LRP1B: variants seen among roughly 807,000 people sequenced by gnomAD.
LRP1B encodes LDL receptor related protein 1B, also known as low-density lipoprotein receptor-related protein 1B.
In LRP1B, 217 loss-of-function variants were observed where a neutral mutation model predicts 556.6. The observed-to-expected ratio is 0.39, with a 90% confidence interval of 0.35 to 0.44. The LOEUF (loss-of-function observed/expected upper bound fraction) is 0.44. Ranked by LOEUF, LRP1B falls within the 20% of genes least tolerant of loss-of-function variation. The pLI is 1.00. For synonymous variants in LRP1B, 2,047 were observed against 1,865.8 expected (o/e 1.10, Z -2.50); for missense variants, 5,053 against 5,620.8 (o/e 0.90, Z 3.23).
Position 141,775,205 on chromosome 2 carries a change from T to A in LRP1B, c.205+35074A>T, listed in dbSNP as rs533102487. Among the ~76,000 whole-genome samples the A allele has an allele frequency of 3.3e-5, 5 of 152,352 alleles. No individual in the cohort carries two copies. In the East Asian group the frequency reaches 9.7e-4, roughly 29 times the overall value. ...ACATACTCGTGGGTTATCTCAACTT[T>A]TCATTGTCTTGGAGCTATTTCACAG... On this transcript the variant is annotated intron_variant, in intron 2 of 90. Transcript: ENST00000389484.
chr2:140,696,187 A>G (rs1285514325), intron 41 of LRP1B, among the ~76,000 whole-genome samples: 1 of 152,172 alleles, frequency 6.6e-6, no homozygotes, highest in African/African-American at 2.4e-5. Context: ...CACATTTTAC[A>G]TCTTACTTAT....
At chr2:142,122,190 C>A (rs975660545) in intron 1 of LRP1B, among the ~76,000 whole-genome samples, 1 of 152,010 alleles carries the variant, frequency 6.6e-6, no homozygotes, top group African/African-American at 2.4e-5. Context: ...AACCCTCATG[C>A]CCTTCATTAC....
chr2:141,289,381 CAAAAAAAAAAAAA>C (rs34784985), intron 3 of LRP1B, among the ~76,000 whole-genome samples: 1 of 43,446 alleles, frequency 2.3e-5, no homozygotes, highest in Non-Finnish European at 4.1e-5. Context: ...GACTCCATCT[CAAAAAAAAAAAAA>C]AAAAAAAAAA....
chr2:141,018,054 T>G (rs1697958563), intron 12 of LRP1B, among the ~76,000 whole-genome samples: 2 of 148,988 alleles, frequency 1.3e-5, no homozygotes, highest in Non-Finnish European at 3.0e-5. Context: ...TACCAAACAA[T>G]GAGAATTCTT....
chr2:140,762,637 T>A (rs1406747434), intron 35 of LRP1B, among the ~76,000 whole-genome samples: 1 of 152,092 alleles, frequency 6.6e-6, no homozygotes, highest in Non-Finnish European at 1.5e-5. Context: ...CCTTAAAGTT[T>A]GAAAATGATC....
chr2:141,204,731 A>T (rs1219953223), intron 6 of LRP1B, among the ~76,000 whole-genome samples: 1 of 152,128 alleles, frequency 6.6e-6, no homozygotes, highest in Non-Finnish European at 1.5e-5. Flanking sequence ...CAAGGTCAGG[A>T]GTTCGAGACC....
chr2:141,119,457 T>C (rs1700988877), intron 7 of LRP1B, among the ~76,000 whole-genome samples: 1 of 151,834 alleles, frequency 6.6e-6, no homozygotes, highest in Admixed American at 6.6e-5. Context: ...TGTCTCATAC[T>C]AAAGTGAGAG....
At position 140,501,786 on chromosome 2, in the gene LRP1B, G is replaced by T. The variant is rs148504930; in HGVS notation, c.8751C>A (p.Gly2917=). 2 of 1,612,556 alleles carry T rather than the reference G, an allele frequency of 1.2e-6. No homozygotes were observed. Among genetic ancestry groups the T allele is most frequent in the Admixed American group, 1.7e-5 (1 of 59,896 alleles). ...GGCAGTTTCTCTCATCTGAACCATC[G>T]CCACAGTCATCCTTATTGTCGCAAA... ...GGLCDNKDDC[G]DGSDERNCHI... is the part of the protein sequence containing the mutation. The change falls in exon 55 of 91, where the codon GGC becomes GGA. Residue 2917 remains glycine (G), a synonymous_variant. Coordinates refer to ENST00000389484, the MANE Select transcript of LRP1B (RefSeq NM_018557.3).
intron 2 of LRP1B, among the ~76,000 whole-genome samples, chr2:141,515,391 G>T (rs1410157239): frequency 6.6e-6 from 1 of 151,576 alleles, no homozygotes; most frequent in Non-Finnish European, 1.5e-5. Flanking sequence ...CATCAGAGCA[G>T]AGTTAAAGTT....
At chr2:140,534,878 A>G (rs867477583) in intron 46 of LRP1B, among the ~76,000 whole-genome samples, 25 of 152,166 alleles carry the variant, frequency 1.6e-4, no homozygotes, top group African/African-American at 6.0e-4. Flanking sequence ...ACCAAAACAC[A>G]GAGAAGTGAG....
At chr2:141,556,320 C>A (rs1258208636) in intron 2 of LRP1B, among the ~76,000 whole-genome samples, 1 of 151,882 alleles carries the variant, frequency 6.6e-6, no homozygotes, top group African/African-American at 2.4e-5. Flanking sequence ...CATAGGAATG[C>A]CAGTTTGGCA....
chr2:141,816,983 A>T (rs1317886185), intron 1 of LRP1B, among the ~76,000 whole-genome samples: 1 of 152,178 alleles, frequency 6.6e-6, no homozygotes, highest in East Asian at 1.9e-4. Context: ...TGTATTTTTC[A>T]ACCAGATATT....
chr2:140,310,697 G>C (rs1226720863), intron 83 of LRP1B, among the ~76,000 whole-genome samples: 1 of 151,800 alleles, frequency 6.6e-6, no homozygotes, highest in Non-Finnish European at 1.5e-5. Context: ...ATTGCCACAT[G>C]CAGAAGAATG....
At chr2:140,406,140 A>T (rs1375687751) in intron 66 of LRP1B, among the ~76,000 whole-genome samples, 2 of 152,158 alleles carry the variant, frequency 1.3e-5, no homozygotes, top group Non-Finnish European at 2.9e-5. Flanking sequence ...AAAATCTAAC[A>T]TTGGTTTATG....
At chr2:140,794,457 G>A (rs571970163) in intron 32 of LRP1B, among the ~76,000 whole-genome samples, 92 of 147,408 alleles carry the variant, frequency 6.2e-4, no homozygotes, top group African/African-American at 2.2e-3. Context: ...GAAATGACTT[G>A]GAGGCATATT....
intron 7 of LRP1B, among the ~76,000 whole-genome samples, chr2:141,091,168 A>AAG (rs553998093): frequency 8.6e-5 from 13 of 150,490 alleles, no homozygotes; most frequent in Admixed American, 4.6e-4. Flanking sequence ...AGATCAGATA[A>AAG]AGAGAGAGAG....
chr2:140,970,080 G>A (rs567771419), intron 18 of LRP1B, among the ~76,000 whole-genome samples: 34 of 152,184 alleles, frequency 2.2e-4, no homozygotes, highest in Admixed American at 1.1e-3. Context: ...GCCTTGCTAG[G>A]TTGGGGAAGT....
chr2:141,341,193 T>G (rs988793559), intron 3 of LRP1B, among the ~76,000 whole-genome samples: 1 of 152,188 alleles, frequency 6.6e-6, no homozygotes, highest in South Asian at 2.1e-4. Flanking sequence ...TGAAGTAGTG[T>G]TTAGCATGTA....
At chr2:140,608,767 C>A (rs765587512) in intron 41 of LRP1B, among the ~76,000 whole-genome samples, 7 of 152,268 alleles carry the variant, frequency 4.6e-5, no homozygotes, top group African/African-American at 1.7e-4. Flanking sequence ...AAACAATTTG[C>A]CCTGAAAGAG....
Sources: allele counts gnomAD v4.1 joint callset (sites outside exome capture counted in the v4.1 genomes callset), GRCh38; gene constraint gnomAD v4.1.1; transcripts MANE v1.5; gene names NCBI Gene and HGNC (gene_info 2026-07-23, HGNC 2026-07-21).